The following UNC13B variants were observed in gnomAD, a reference collection of about 807,000 sequenced individuals.
The protein encoded by UNC13B is unc-13 homolog B.
UNC13B carries 144 observed loss-of-function variants against 211.0 expected under a neutral mutation model. The observed-to-expected ratio is 0.68, with a 90% CI of 0.60 to 0.78. The LOEUF (loss-of-function observed/expected upper bound fraction) is 0.78. Among genes scored for constraint, UNC13B ranks in the 30% least tolerant of loss-of-function variants. The probability of loss-of-function intolerance (pLI) is 0.00; values close to 1 mark genes in which losing one functional copy is unlikely to be tolerated. For synonymous variants in UNC13B, 709 were observed against 725.8 expected (o/e 0.98, Z 0.37); for missense variants, 1,777 against 2,002.0 (o/e 0.89, Z 2.14).
chr9:35,327,512 A>C (rs1831084496), intron 11 of UNC13B, among the ~76,000 whole-genome samples: 1 of 152,192 alleles, frequency 6.6e-6, no homozygotes, highest in Non-Finnish European at 1.5e-5. Context: ...CATGGGAAGA[A>C]AAAAGAGAGC....
chr9:35,242,641 A>G (rs1010994416), intron 5 of UNC13B, among the ~76,000 whole-genome samples: 6 of 152,152 alleles, frequency 3.9e-5, no homozygotes, highest in Non-Finnish European at 4.4e-5. Context: ...AGGCTGAATA[A>G]TGCTCCGTTG....
chr9:35,253,206 A>G (rs945020024), intron 6 of UNC13B, among the ~76,000 whole-genome samples: 15 of 152,160 alleles, frequency 9.9e-5, no homozygotes, highest in African/African-American at 2.9e-4. Flanking sequence ...CAATGGCACA[A>G]TCATAGCTCA....
intron 1 of UNC13B, among the ~76,000 whole-genome samples, chr9:35,202,859 C>G (rs1328886259): frequency 1.3e-5 from 2 of 149,896 alleles, no homozygotes; most frequent in African/African-American, 4.9e-5. Flanking sequence ...GTGGCGTGAT[C>G]TCAGCTCACT....
chr9:35,278,020 A>G (rs1463598479), intron 7 of UNC13B, among the ~76,000 whole-genome samples: 1 of 152,162 alleles, frequency 6.6e-6, no homozygotes, highest in Non-Finnish European at 1.5e-5. Context: ...ACTAATCGAG[A>G]TGTGTTCATT....
At chr9:35,208,741 C>T (rs1823802542) in intron 1 of UNC13B, among the ~76,000 whole-genome samples, 1 of 152,190 alleles carries the variant, frequency 6.6e-6, no homozygotes, top group African/African-American at 2.4e-5. Flanking sequence ...ACTCCACCCC[C>T]ATGATCCAGT....
At chr9:35,291,782 C>G (rs1829111567) in intron 7 of UNC13B, among the ~76,000 whole-genome samples, 1 of 152,134 alleles carries the variant, frequency 6.6e-6, no homozygotes. Flanking sequence ...CTGGTTGAGT[C>G]TCAGTGATTA....
chr9:35,174,788 G>A (rs1289694981), intron 1 of UNC13B, among the ~76,000 whole-genome samples: 1 of 152,034 alleles, frequency 6.6e-6, no homozygotes, highest in Non-Finnish European at 1.5e-5. Context: ...TGGTTCCACC[G>A]TGTTAGCCAG....
chr9:35,355,306 A>G (rs1255394769), intron 11 of UNC13B, among the ~76,000 whole-genome samples: 1 of 152,236 alleles, frequency 6.6e-6, no homozygotes, highest in African/African-American at 2.4e-5. Context: ...AGGTGAACAA[A>G]TGGAATGGGA....
intron 11 of UNC13B, chr9:35,352,945 C>T: frequency 8.1e-7 from 1 of 1,232,142 alleles, no homozygotes; most frequent in Non-Finnish European, 1.0e-6. Flanking sequence ...CCAGCAGCTG[C>T]CTGTCATTGT....
chr9:35,165,537 C>T (rs1820990128), intron 1 of UNC13B, among the ~76,000 whole-genome samples: 1 of 151,624 alleles, frequency 6.6e-6, no homozygotes, highest in African/African-American at 2.4e-5. Context: ...CCTGCCTTAG[C>T]CTCTGGGGTA....
intron 11 of UNC13B, chr9:35,341,993 C>A (rs1391198888): frequency 2.0e-6 from 2 of 985,442 alleles, no homozygotes; most frequent in Non-Finnish European, 2.4e-6. Flanking sequence ...TCCCCCTTGC[C>A]AGAGAGGTGT....
intron 1 of UNC13B, among the ~76,000 whole-genome samples, chr9:35,186,061 T>A (rs1271410504): frequency 1.3e-5 from 2 of 152,112 alleles, no homozygotes. Flanking sequence ...AGAAGGGGCA[T>A]CTGATATGCC....
chr9:35,266,813 G>GT (rs958352786), intron 7 of UNC13B, among the ~76,000 whole-genome samples: 2 of 152,162 alleles, frequency 1.3e-5, no homozygotes, highest in African/African-American at 4.8e-5. Flanking sequence ...ATGTCCATCT[G>GT]TTTTTTATCC....
At chr9:35,243,853 T>C (rs529350921) in intron 6 of UNC13B, among the ~76,000 whole-genome samples, 2 of 152,244 alleles carry the variant, frequency 1.3e-5, no homozygotes, top group East Asian at 3.9e-4. Context: ...GTTTTTGTTA[T>C]TGCTGATGGA....
rs1163774249 is a variant in UNC13B, at chr9:35,281,190, C to T, written c.527-14506C>T. 5.4e-5 allele frequency among the ~76,000 whole-genome samples: 8 copies of T among 147,684 alleles called. No homozygotes were observed. In the South Asian group the frequency reaches 6.4e-4, roughly 12 times the overall value. On this transcript the variant is annotated intron_variant, in intron 7 of 39. Coordinates refer to ENST00000635942, the MANE Select transcript of UNC13B (RefSeq NM_001371189.2). The stretch of plus-strand genomic sequence containing the variant: ...GCTTGAACCTGGGAGACGGAGGTTG[C>T]AGTGAGCCGAGATCACGCCACTGCA...
rs1835927586 is a variant in UNC13B at position 35,397,022 on chromosome 9, G to A, written c.11532+85G>A. 5 of 1,603,942 alleles carry A rather than the reference G, an allele frequency of 3.1e-6. No homozygotes were observed. In the East Asian group the frequency reaches 1.1e-4, roughly 36 times the overall value. On this transcript the variant is annotated intron_variant, in intron 28 of 39. Coordinates refer to ENST00000635942, the MANE Select transcript of UNC13B (RefSeq NM_001371189.2). ...GGCAGAAGTTCCTGGGCTTTGGCCAGGATGGCTATGCCTGCCCTGTGGAGT... is the reference window on the plus strand; with the variant it reads ...GGCAGAAGTTCCTGGGCTTTGGCCAAGATGGCTATGCCTGCCCTGTGGAGT...
intron 1 of UNC13B, among the ~76,000 whole-genome samples, chr9:35,164,979 C>G (rs1007480205): frequency 2.6e-5 from 4 of 152,146 alleles, no homozygotes; most frequent in African/African-American, 9.7e-5. Flanking sequence ...CAGATCAGAT[C>G]TGGAATTTTG....
chr9:35,369,712 A>G (rs138101149), intron 12 of UNC13B, among the ~76,000 whole-genome samples: 1 of 152,024 alleles, frequency 6.6e-6, no homozygotes, highest in African/African-American at 2.4e-5. Flanking sequence ...GGTCTTTTGG[A>G]AGTCTCTCAT....
chr9:35,254,444 A>C (rs1409721144), intron 6 of UNC13B, among the ~76,000 whole-genome samples: 2 of 152,120 alleles, frequency 1.3e-5, no homozygotes, highest in African/African-American at 4.8e-5. Flanking sequence ...TATGCCATTC[A>C]TGAAGTCTCC....
Sources: gnomAD v4.1 joint callset for allele counts (sites outside exome capture counted in the v4.1 genomes callset) on GRCh38, gnomAD v4.1.1 for gene constraint, MANE v1.5 for transcripts, NCBI Gene and HGNC (gene_info 2026-07-23, HGNC 2026-07-21) for gene names.